Variants in PARD3B observed in about 807,000 individuals in gnomAD.
The protein encoded by PARD3B is par-3 family cell polarity regulator beta, also known as partitioning defective 3 homolog B.
In PARD3B, 103 loss-of-function variants were observed where a neutral mutation model predicts 130.2. That is an observed-to-expected ratio of 0.79 (90% CI 0.67 to 0.93). The LOEUF (loss-of-function observed/expected upper bound fraction) is 0.93. Ranked by LOEUF, PARD3B falls within the 40% of genes least tolerant of loss-of-function variation. The pLI, the probability that PARD3B is intolerant of heterozygous loss-of-function variation, is 0.00. For missense variants in PARD3B, 1,609 were observed against 1,499.2 expected, an observed-to-expected ratio of 1.07 and a Z score of -1.21; for synonymous variants, 583 against 553.2, an observed-to-expected ratio of 1.05 and a Z score of -0.76.
chr2:204,883,416 TAATATATATATATATAAAATATATATATA>T (rs2046132500), intron 2 of PARD3B, among the ~76,000 whole-genome samples: 1 of 114,872 alleles, frequency 8.7e-6, no homozygotes, highest in African/African-American at 3.6e-5. Context: ...TATATATATA[TAATATATATATATATAAAATATATATATA>T]TATATATATA....
At chr2:204,977,229 A>T (rs1345448665) in intron 3 of PARD3B, among the ~76,000 whole-genome samples, 1 of 152,170 alleles carries the variant, frequency 6.6e-6, no homozygotes. Context: ...TTTTATCTTC[A>T]ACTCAAGTAT....
intron 21 of PARD3B, among the ~76,000 whole-genome samples, chr2:205,507,625 A>G (rs2050424437): frequency 6.6e-6 from 1 of 152,138 alleles, no homozygotes; most frequent in Non-Finnish European, 1.5e-5. Flanking sequence ...AGAGTCCTCA[A>G]AGGAAAATCA....
At chr2:205,334,957 C>G (rs1163229745) in intron 18 of PARD3B, among the ~76,000 whole-genome samples, 1 of 152,140 alleles carries the variant, frequency 6.6e-6, no homozygotes, top group Admixed American at 6.5e-5. Flanking sequence ...ATACGTTTCT[C>G]CATGATCAAA....
At chr2:204,873,158 A>C (rs2045695950) in intron 2 of PARD3B, among the ~76,000 whole-genome samples, 1 of 152,250 alleles carries the variant, frequency 6.6e-6, no homozygotes, top group Admixed American at 6.5e-5. Context: ...GAAGCTCTGC[A>C]TAAGAAGGAC....
At chr2:204,830,464 C>G (rs1049251888) in intron 2 of PARD3B, among the ~76,000 whole-genome samples, 2 of 152,096 alleles carry the variant, frequency 1.3e-5, no homozygotes, top group African/African-American at 4.8e-5. Flanking sequence ...TGTGATCTTA[C>G]AATTGTAGGA....
intron 14 of PARD3B, among the ~76,000 whole-genome samples, chr2:205,192,667 G>A (rs12468546): frequency 0.23 from 34,274 of 152,062 alleles, 4,453 homozygotes; most frequent in Middle Eastern, 0.3. Context: ...GGCACTTTTG[G>A]TGAGCAGACT....
chr2:205,043,802 A>T (rs1422093367), intron 3 of PARD3B, among the ~76,000 whole-genome samples: 1 of 151,294 alleles, frequency 6.6e-6, no homozygotes, highest in Admixed American at 6.6e-5. Flanking sequence ...TTTTTTTTAA[A>T]TTTTTTATTT....
At chr2:205,240,362 C>T (rs2125912119) in intron 15 of PARD3B, among the ~76,000 whole-genome samples, 2 of 152,184 alleles carry the variant, frequency 1.3e-5, no homozygotes, top group Middle Eastern at 3.4e-3. Context: ...TTTATGGCCT[C>T]ATTAGAAGAT....
chr2:205,127,607 G>C (rs1203138601), intron 10 of PARD3B, among the ~76,000 whole-genome samples: 3 of 152,154 alleles, frequency 2.0e-5, no homozygotes, highest in Non-Finnish European at 4.4e-5. Context: ...TCTTCAGACA[G>C]TTTCCAAGTT....
At chr2:204,918,178 A>G (rs2047518130) in intron 2 of PARD3B, among the ~76,000 whole-genome samples, 1 of 152,232 alleles carries the variant, frequency 6.6e-6, no homozygotes. Context: ...TATACCTTCA[A>G]ATTTCTCCTT....
At chr2:204,978,464 A>G (rs1040814283) in intron 3 of PARD3B, among the ~76,000 whole-genome samples, 2 of 152,206 alleles carry the variant, frequency 1.3e-5, no homozygotes, top group Admixed American at 1.3e-4. Flanking sequence ...GTTATTAATA[A>G]ACACAATATG....
chr2:205,142,793 G>A lies in PARD3B; in HGVS notation c.1435-15929G>A, dbSNP rs2033068352. On this transcript the variant is annotated intron_variant, in intron 10 of 22. Transcript: ENST00000406610. The surrounding 1 kb of genome is among the most constrained non-coding windows in gnomAD (Gnocchi z 4.3). ...CTCAGGAAGCTGACGCAGGAGAATC[G>A]TTTGAACCCGGGAGGCAGAGGTTGC... Among the ~76,000 whole-genome samples, 1 of 152,010 alleles carries A rather than the reference G, an allele frequency of 6.6e-6. No homozygotes were observed. Among genetic ancestry groups the A allele is most frequent in the South Asian group, 2.1e-4 (1 of 4,822 alleles).
intron 1 of PARD3B, among the ~76,000 whole-genome samples, chr2:204,550,336 G>GT (rs1309122453): frequency 1.3e-5 from 2 of 151,374 alleles, no homozygotes; most frequent in Non-Finnish European, 2.9e-5. Context: ...AGTACACGTA[G>GT]TTTTTTTTCT....
chr2:205,382,514 G>A (rs2105948879), intron 18 of PARD3B, among the ~76,000 whole-genome samples: 1 of 152,048 alleles, frequency 6.6e-6, no homozygotes, highest in East Asian at 1.9e-4. Flanking sequence ...ATATCTTGGG[G>A]AAGATATTTT....
At chr2:205,612,078 A>G (rs1419377969) in intron 22 of PARD3B, among the ~76,000 whole-genome samples, 1 of 152,202 alleles carries the variant, frequency 6.6e-6, no homozygotes, top group African/African-American at 2.4e-5. Flanking sequence ...GAAACTCACG[A>G]TTAACAAAAC....
rs988290521 is a variant in PARD3B, at chr2:205,019,367, T to C, written c.395-28214T>C. On this transcript the variant is annotated intron_variant, in intron 3 of 22. Transcript: ENST00000406610. ...TATTTCATTTTATGGATATGCCAAA[T>C]TTTATTTGTTCATTTATAAGTTGAT... 2.0e-5 allele frequency among the ~76,000 whole-genome samples: 3 copies of C among 152,196 alleles called. No individual in the cohort carries two copies. In the South Asian group the frequency reaches 6.2e-4, roughly 31 times the overall value.
intron 4 of PARD3B, among the ~76,000 whole-genome samples, chr2:205,085,364 G>T (rs1701681449): frequency 6.6e-6 from 1 of 151,738 alleles, no homozygotes; most frequent in Non-Finnish European, 1.5e-5. Flanking sequence ...GTGATCACTG[G>T]TTTTATTTTT....
At chr2:204,705,397 G>T (rs1490631116) in intron 2 of PARD3B, among the ~76,000 whole-genome samples, 1 of 152,120 alleles carries the variant, frequency 6.6e-6, no homozygotes, top group Non-Finnish European at 1.5e-5. Context: ...GTGAGTGGTT[G>T]GAGGCAAAGG....
chr2:204,870,177 G>C lies in PARD3B; in HGVS notation c.223-94975G>C, dbSNP rs370723811. Among the ~76,000 whole-genome samples, 4 of 152,194 alleles carry C rather than the reference G, an allele frequency of 2.6e-5. No homozygotes were observed. The East Asian group carries it at 5.8e-4, about 22-fold the overall frequency. On this transcript the variant is annotated intron_variant, in intron 2 of 22. Transcript: ENST00000406610. Reference sequence around the variant, plus strand: ...CCCCCAATATAAGCATTTTGGATGGGGTGGTAGAGAAAGTCCCCTTAGATT... The same window carrying C: ...CCCCCAATATAAGCATTTTGGATGGCGTGGTAGAGAAAGTCCCCTTAGATT...
Sources: gnomAD v4.1 joint callset for allele counts (sites outside exome capture counted in the v4.1 genomes callset) on GRCh38, gnomAD v4.1.1 for gene constraint, Gnocchi (gnomAD v3.1) non-coding constraint, MANE v1.5 for transcripts, NCBI Gene and HGNC (gene_info 2026-07-23, HGNC 2026-07-21) for gene names.